CAST: variants seen among roughly 807,000 people sequenced by gnomAD.
The protein encoded by CAST is MIR583 host.
In CAST, 76 loss-of-function variants were observed where a neutral mutation model predicts 119.6. The observed-to-expected ratio is 0.64, with a 90% confidence interval of 0.53 to 0.77. CAST has a LOEUF of 0.77. Among genes scored for constraint, CAST ranks in the 30% least tolerant of loss-of-function variants. CAST has a pLI of 0.00. For synonymous variants in CAST, 319 were observed against 331.6 expected (o/e 0.96, Z 0.41); for missense variants, 953 against 946.5 (o/e 1.01, Z -0.09).
intron 3 of CAST, among the ~76,000 whole-genome samples, chr5:96,696,785 G>A (rs1467923751): frequency 6.6e-6 from 1 of 151,944 alleles, no homozygotes; most frequent in Non-Finnish European, 1.5e-5. Context: ...AAGTCTGGGA[G>A]GTCGAGGCTG....
At chr5:96,473,659 G>T in the CAST span, among the ~76,000 whole-genome samples, 2 of 152,196 alleles carry the variant, frequency 1.3e-5, no homozygotes, top group Non-Finnish European at 2.9e-5. Flanking sequence ...CATCCCATGG[G>T]CCACACCTGG....
the CAST span, among the ~76,000 whole-genome samples, chr5:96,076,254 A>T: frequency 6.6e-6 from 1 of 152,228 alleles, no homozygotes. Flanking sequence ...TTTGAAAACC[A>T]AGGAAGTCTA....
the CAST span, among the ~76,000 whole-genome samples, chr5:96,286,102 A>G: frequency 1.3e-5 from 2 of 152,252 alleles, no homozygotes; most frequent in Admixed American, 1.3e-4. Flanking sequence ...TTGGAAAGAC[A>G]GCTAAGATAT....
the CAST span, among the ~76,000 whole-genome samples, chr5:96,447,531 A>G: frequency 2.6e-5 from 4 of 152,154 alleles, no homozygotes; most frequent in East Asian, 5.8e-4. Flanking sequence ...CCCTCTGTGG[A>G]ATTTAAATGT....
At chr5:96,591,357 G>A (rs1185128728) in intron 1 of CAST, among the ~76,000 whole-genome samples, 2 of 152,192 alleles carry the variant, frequency 1.3e-5, no homozygotes, top group African/African-American at 2.4e-5. Context: ...CTTGGGGATG[G>A]TGAACAGAAT....
At chr5:96,669,072 C>A (rs956419054) in intron 1 of CAST, among the ~76,000 whole-genome samples, 1 of 152,218 alleles carries the variant, frequency 6.6e-6, no homozygotes, top group Non-Finnish European at 1.5e-5. Context: ...GGCCATCCAT[C>A]AAGAGAATTG....
the CAST span, among the ~76,000 whole-genome samples, chr5:96,118,079 T>G: frequency 5.3e-5 from 8 of 152,224 alleles, no homozygotes; most frequent in South Asian, 2.1e-4. Flanking sequence ...AAGTATTTGA[T>G]GAACAGCTGA....
chr5:96,591,362 C>T (rs112521457), intron 1 of CAST, among the ~76,000 whole-genome samples: 1 of 152,112 alleles, frequency 6.6e-6, no homozygotes, highest in Non-Finnish European at 1.5e-5. Flanking sequence ...GGATGGTGAA[C>T]AGAATTTCAA....
At chr5:96,725,011 C>T (rs1759001394) in intron 4 of CAST, among the ~76,000 whole-genome samples, 3 of 152,114 alleles carry the variant, frequency 2.0e-5, no homozygotes, top group Admixed American at 1.3e-4. Context: ...TTATTTCAAG[C>T]GTGGCCTGTT....
the CAST span, among the ~76,000 whole-genome samples, chr5:96,226,482 C>T: frequency 2.0e-5 from 3 of 151,940 alleles, no homozygotes; most frequent in Non-Finnish European, 4.4e-5. Flanking sequence ...AAAACCCTGT[C>T]TCTATAAAAA....
At chr5:96,437,674 C>G in the CAST span, among the ~76,000 whole-genome samples, 8 of 152,174 alleles carry the variant, frequency 5.3e-5, no homozygotes, top group African/African-American at 1.9e-4. Flanking sequence ...GTTAGAAATG[C>G]AGACCCTCAG....
the CAST span, among the ~76,000 whole-genome samples, chr5:96,153,937 G>T: frequency 6.6e-6 from 1 of 152,096 alleles, no homozygotes; most frequent in African/African-American, 2.4e-5. Context: ...AATATTTGAG[G>T]CAGGGTCTCA....
At chr5:96,066,902 T>C in the CAST span, among the ~76,000 whole-genome samples, 7 of 151,958 alleles carry the variant, frequency 4.6e-5, no homozygotes, top group South Asian at 2.1e-4. Flanking sequence ...CTGGCTTCAG[T>C]TGATCCTCCA....
At chr5:96,534,881 AAAG>A (rs1264668207) in intron 1 of CAST, among the ~76,000 whole-genome samples, 2 of 149,404 alleles carry the variant, frequency 1.3e-5, no homozygotes, top group South Asian at 2.1e-4. Flanking sequence ...GAAAGAAAGA[AAAG>A]AAAGAAAGAA....
chr5:96,085,990 G>T, the CAST span, among the ~76,000 whole-genome samples: 1 of 152,054 alleles, frequency 6.6e-6, no homozygotes. Context: ...TTGCTTCCAG[G>T]ACCTCCCCTG....
chr5:96,609,943 G>A (rs1747329156), intron 1 of CAST, among the ~76,000 whole-genome samples: 1 of 152,136 alleles, frequency 6.6e-6, no homozygotes. Context: ...GAGGAGATGA[G>A]ATTTGGGAGG....
At chr5:96,006,379 C>CA in the CAST span, among the ~76,000 whole-genome samples, 50,801 of 145,922 alleles carry the variant, frequency 0.35, 9,980 homozygotes, top group African/African-American at 0.57. Context: ...AGAAAAATCG[C>CA]AAAAAAAAAA....
At chr5:96,560,492 A>G (rs972474602) in intron 1 of CAST, among the ~76,000 whole-genome samples, 4 of 152,238 alleles carry the variant, frequency 2.6e-5, no homozygotes, top group African/African-American at 4.8e-5. Context: ...TCTACAATGA[A>G]CTCAAACAAA....
chr5:96,230,144 G>A, the CAST span, among the ~76,000 whole-genome samples: 2 of 152,236 alleles, frequency 1.3e-5, no homozygotes, highest in South Asian at 2.1e-4. Flanking sequence ...ATGGGTTCTA[G>A]CTGATGTCCT....
Sources: allele counts gnomAD v4.1 joint callset (sites outside exome capture counted in the v4.1 genomes callset), GRCh38; gene constraint gnomAD v4.1.1; transcripts MANE v1.5; gene names NCBI Gene and HGNC (gene_info 2026-07-23, HGNC 2026-07-21).